Variants in WDR37 observed in about 807,000 individuals in gnomAD.
WDR37 encodes WD repeat-containing protein 37.
Under a neutral mutation model 62.9 loss-of-function variants are expected in WDR37, and 19 were observed. The observed-to-expected ratio is 0.30, with a 90% confidence interval of 0.21 to 0.44. WDR37 has a LOEUF of 0.44. Among genes scored for constraint, WDR37 ranks in the 20% least tolerant of loss-of-function variants. The probability of loss-of-function intolerance (pLI) is 1.00; values close to 1 mark genes in which losing one functional copy is unlikely to be tolerated. For missense variants in WDR37, 474 were observed against 657.6 expected, an observed-to-expected ratio of 0.72 and a Z score of 3.05; for synonymous variants, 250 against 260.9, an observed-to-expected ratio of 0.96 and a Z score of 0.40.
At chr10:1,120,760 C>G (rs1835552336) in intron 11 of WDR37, among the ~76,000 whole-genome samples, 1 of 152,176 alleles carries the variant, frequency 6.6e-6, no homozygotes, top group South Asian at 2.1e-4. Context: ...AAAAGCACTC[C>G]CATCAGCGCT....
At chr10:1,065,222 T>C (rs1408614938) in intron 1 of WDR37, among the ~76,000 whole-genome samples, 2 of 152,162 alleles carry the variant, frequency 1.3e-5, no homozygotes, top group African/African-American at 4.8e-5. Context: ...TCTCAGTGTA[T>C]GTGTAGGAAA....
intron 9 of WDR37, among the ~76,000 whole-genome samples, chr10:1,101,149 C>T (rs1032316335): frequency 8.5e-5 from 13 of 152,236 alleles, no homozygotes; most frequent in Non-Finnish European, 1.8e-4. Flanking sequence ...GCCCTCCCTG[C>T]ACTTCTCTCA....
At chr10:1,128,238 A>T (rs1835861758) in intron 13 of WDR37, among the ~76,000 whole-genome samples, 1 of 152,216 alleles carries the variant, frequency 6.6e-6, no homozygotes, top group African/African-American at 2.4e-5. Context: ...TGTCAACTTT[A>T]CTTAATACTG....
intron 11 of WDR37, among the ~76,000 whole-genome samples, chr10:1,122,134 A>T (rs1359600914): frequency 1.3e-5 from 2 of 152,052 alleles, no homozygotes; most frequent in African/African-American, 4.8e-5. Context: ...AGTGGCTGGG[A>T]CAACTGGCAT....
rs34082462 is a variant in WDR37, at chr10:1,107,859, TC to T, written c.1103+2596del. On this transcript the variant is annotated intron_variant, in intron 11 of 13. Coordinates refer to ENST00000263150, the MANE Select transcript of WDR37 (RefSeq NM_014023.4). Reference sequence around the variant, plus strand: ...CCTCTCTCTGAAACACACGCCCACTTCCCCTTCACCTAGGTTTGCCTGTTGT... The same window carrying T: ...CCTCTCTCTGAAACACACGCCCACTTCCCTTCACCTAGGTTTGCCTGTTGT... Among the ~76,000 whole-genome samples the T allele has an allele frequency of 7.5e-5, 11 of 146,000 alleles. No individual in the cohort carries two copies. The South Asian group carries it at 2.5e-3, about 33-fold the overall frequency.
chr10:1,091,847 A>C (rs537104828), intron 7 of WDR37, among the ~76,000 whole-genome samples: 1 of 152,332 alleles, frequency 6.6e-6, no homozygotes, highest in East Asian at 1.9e-4. Context: ...GACAGGAGCA[A>C]GGGGGAAGGT....
At chr10:1,126,348 G>T (rs1164106066) in intron 13 of WDR37, among the ~76,000 whole-genome samples, 1 of 150,680 alleles carries the variant, frequency 6.6e-6, no homozygotes, top group Non-Finnish European at 1.5e-5. Flanking sequence ...GGAGCTTGCA[G>T]TGAGCTGAGA....
chr10:1,074,553 C>T (rs1368546017), intron 2 of WDR37: 9 of 1,302,554 alleles, frequency 6.9e-6, no homozygotes, highest in East Asian at 5.6e-5. Flanking sequence ...CTGCCCTGGG[C>T]GGGAGAGGTG....
intron 5 of WDR37, among the ~76,000 whole-genome samples, chr10:1,083,368 C>T (rs1161643041): frequency 1.3e-5 from 2 of 152,192 alleles, no homozygotes; most frequent in African/African-American, 4.8e-5. Flanking sequence ...GAGAATAACT[C>T]GAGGGTGCGG....
At position 1,129,414 on chromosome 10, in the gene WDR37, A is replaced by G; in HGVS notation, c.*70A>G. 1.3e-6 allele frequency: 2 copies of G among 1,587,656 alleles called. No homozygotes were observed. Among genetic ancestry groups the G allele is most frequent in the Non-Finnish European group, 1.7e-6 (2 of 1,162,690 alleles). On this transcript the variant is annotated 3_prime_UTR_variant, in exon 14 of 14. Coordinates refer to ENST00000263150, the MANE Select transcript of WDR37 (RefSeq NM_014023.4). ...TTGATGGGTGCAGGCTTTTCTGCGTATTAATCAGCCATTTTTGTGAGAGTT... is the reference window on the plus strand; with the variant it reads ...TTGATGGGTGCAGGCTTTTCTGCGTGTTAATCAGCCATTTTTGTGAGAGTT...
chr10:1,090,562 T>TCA (rs1444481020), intron 7 of WDR37, among the ~76,000 whole-genome samples: 2 of 152,134 alleles, frequency 1.3e-5, no homozygotes, highest in Non-Finnish European at 2.9e-5. Flanking sequence ...TGACCCTGAA[T>TCA]CACACTCTGC....
intron 9 of WDR37, among the ~76,000 whole-genome samples, chr10:1,102,273 C>T (rs953424896): frequency 3.3e-5 from 5 of 151,508 alleles, no homozygotes; most frequent in African/African-American, 1.2e-4. Flanking sequence ...ACGTGCGTTC[C>T]CGTGCCGCTG....
intron 11 of WDR37, among the ~76,000 whole-genome samples, chr10:1,119,086 C>T (rs1341645300): frequency 6.6e-6 from 1 of 152,168 alleles, no homozygotes; most frequent in Non-Finnish European, 1.5e-5. Flanking sequence ...CTTCTGTATA[C>T]CAGAAGGCCG....
intron 5 of WDR37, 72 bp downstream of exon 5, chr10:1,080,548 A>G (rs376776363): frequency 6.6e-7 from 1 of 1,520,880 alleles, no homozygotes; most frequent in Non-Finnish European, 9.0e-7. Flanking sequence ...TAAGTTGTTT[A>G]TTTTCCAATT....
chr10:1,105,238 C>T lies in WDR37; in HGVS notation c.1074C>T (p.His358=), dbSNP rs1425767607. The T allele has an allele frequency of 6.2e-7, 1 of 1,614,016 alleles. No individual in the cohort carries two copies. Among genetic ancestry groups the T allele is most frequent in the Non-Finnish European group, 8.5e-7 (1 of 1,180,020 alleles). ...GGGATTTCAGGGACCCCTCCATCCA[C>T]TCGGTGAATGTTTTCCAGGGACACA... ...RLWDFRDPSI[H]SVNVFQGHTD... Residue 358 remains histidine (H), a synonymous_variant, in exon 11 of 14, where the codon CAC becomes CAT. Coordinates refer to ENST00000263150, the MANE Select transcript of WDR37 (RefSeq NM_014023.4). This position sits in a 1 kb window ranked among gnomAD's most constrained non-coding sequence, Gnocchi z 5.3.
intron 4 of WDR37, 88 bp downstream of exon 4, chr10:1,080,194 T>G: frequency 1.3e-6 from 2 of 1,495,032 alleles, no homozygotes; most frequent in Non-Finnish European, 1.9e-6. Flanking sequence ...TGGTTTGCGT[T>G]TTGCTGTCAG....
chr10:1,076,146 T>A (rs999107585), intron 2 of WDR37, among the ~76,000 whole-genome samples: 1 of 151,988 alleles, frequency 6.6e-6, no homozygotes, highest in Non-Finnish European at 1.5e-5. Flanking sequence ...TTTTTTTCCG[T>A]GTTCTTCATT....
At chr10:1,107,773 G>A (rs1589113431) in intron 11 of WDR37, among the ~76,000 whole-genome samples, 1 of 140,140 alleles carries the variant, frequency 7.1e-6, no homozygotes, top group African/African-American at 2.8e-5. Flanking sequence ...GCACTACCCT[G>A]TCACCTAGGT....
intron 5 of WDR37, among the ~76,000 whole-genome samples, chr10:1,083,156 C>A (rs1304974357): frequency 1.3e-5 from 2 of 152,196 alleles, no homozygotes; most frequent in African/African-American, 4.8e-5. Context: ...TTTCTGTAAG[C>A]AAAAGCATCT....
Sources: gnomAD v4.1 joint callset for allele counts (sites outside exome capture counted in the v4.1 genomes callset) on GRCh38, gnomAD v4.1.1 for gene constraint, Gnocchi (gnomAD v3.1) non-coding constraint, MANE v1.5 for transcripts, NCBI Gene and HGNC (gene_info 2026-07-23, HGNC 2026-07-21) for gene names.